SLCO1A2: variants seen among roughly 807,000 people sequenced by gnomAD.
SLCO1A2 encodes OATP-1.
SLCO1A2 carries 67 observed loss-of-function variants against 69.0 expected under a neutral mutation model. That is an observed-to-expected ratio of 0.97 (90% CI 0.80 to 1.19). The LOEUF (loss-of-function observed/expected upper bound fraction) is 1.19, where lower values mean the gene tolerates loss of function less well. Ranked by LOEUF, SLCO1A2 falls within the 50% of genes most tolerant of loss-of-function variation. The pLI, the probability that SLCO1A2 is intolerant of heterozygous loss-of-function variation, is 0.00. For missense variants in SLCO1A2, 787 were observed against 793.7 expected, an observed-to-expected ratio of 0.99 and a Z score of 0.10; for synonymous variants, 260 against 265.9, an observed-to-expected ratio of 0.98 and a Z score of 0.22.
chr12:21,299,983 T>G (rs1055215699), intron 8 of SLCO1A2, among the ~76,000 whole-genome samples: 3 of 146,914 alleles, frequency 2.0e-5, no homozygotes, highest in Non-Finnish European at 4.4e-5. Context: ...TATATGTGTA[T>G]ATATGTGTGT....
chr12:21,305,825 G>T (rs1163273520), intron 5 of SLCO1A2, among the ~76,000 whole-genome samples: 1 of 152,200 alleles, frequency 6.6e-6, no homozygotes, highest in Non-Finnish European at 1.5e-5. Context: ...CTCAATGATG[G>T]TCATGAAATT....
chr12:21,297,235 TTCTTTCTTTCTTTC>T (rs1261441608), intron 9 of SLCO1A2, among the ~76,000 whole-genome samples, 155 bp downstream of exon 9: 7 of 125,726 alleles, frequency 5.6e-5, no homozygotes, highest in African/African-American at 1.7e-4. Flanking sequence ...CCTTCCTTCT[TTCTTTCTTTCTTTC>T]TCTTTCTTTC....
chr12:21,372,186 A>T (rs553783885), intron 2 of SLCO1A2, among the ~76,000 whole-genome samples: 59 of 152,332 alleles, frequency 3.9e-4, no homozygotes, highest in African/African-American at 1.4e-3. Flanking sequence ...AAATAATTGT[A>T]AAATTTCTGT....
chr12:21,387,337 C>T (rs1239900609), intron 1 of SLCO1A2, among the ~76,000 whole-genome samples: 2 of 152,190 alleles, frequency 1.3e-5, no homozygotes, highest in Non-Finnish European at 2.9e-5. Flanking sequence ...CAGAGACCTT[C>T]ACAGCAGCCC....
chr12:21,322,846 G>T (rs1468122303), intron 2 of SLCO1A2, among the ~76,000 whole-genome samples: 1 of 152,086 alleles, frequency 6.6e-6, no homozygotes, highest in Non-Finnish European at 1.5e-5. Context: ...GATGGTTGGG[G>T]TCCTCAGAAT....
chr12:21,383,933 GA>G (rs1008921563), intron 1 of SLCO1A2, among the ~76,000 whole-genome samples: 24 of 150,208 alleles, frequency 1.6e-4, no homozygotes, highest in Non-Finnish European at 2.2e-4. Flanking sequence ...TAGGAATAAT[GA>G]AAAAACAAAT....
In SLCO1A2 at chr12:21,267,617, A is replaced by C. The variant is rs1368716398; in HGVS notation, c.*1931T>G. On this transcript the variant is annotated 3_prime_UTR_variant, in exon 15 of 15. Coordinates refer to ENST00000683939, the MANE Select transcript of SLCO1A2 (RefSeq NM_001386879.1). ...CCCTTCTTCTAATTTCCATAAGTCT[A>C]ACTTCCATATATATCCTATTTGCTT... 6.6e-6 allele frequency: 1 copy of C among 152,118 alleles called. No homozygotes were observed. The highest frequency in any genetic ancestry group is 1.5e-5 in the Non-Finnish European group (1 of 68,024). 9.4% of individuals were successfully genotyped at this position (152,118 alleles called of 1,614,324 possible).
intron 1 of SLCO1A2, among the ~76,000 whole-genome samples, chr12:21,408,991 T>G (rs529509573): frequency 6.6e-6 from 1 of 152,308 alleles, no homozygotes; most frequent in Non-Finnish European, 1.5e-5. Context: ...TAGACAGAGT[T>G]TGTGGATCAC....
intron 2 of SLCO1A2, among the ~76,000 whole-genome samples, chr12:21,345,621 C>G (rs1038677583): frequency 6.6e-6 from 1 of 151,946 alleles, no homozygotes; most frequent in Non-Finnish European, 1.5e-5. Context: ...GTTGAAACGG[C>G]TGAATGAAAG....
Position 21,265,512 on chromosome 12 carries a change from CT to C in SLCO1A2, c.*4035del, listed in dbSNP as rs1325845070. ...GCACAGGACTGTGTTAACAAATCATCTGCCCTTGATGCTCAAGTTTGTTCCT... is the reference window on the plus strand; with the variant it reads ...GCACAGGACTGTGTTAACAAATCATCGCCCTTGATGCTCAAGTTTGTTCCT... On this transcript the variant is annotated 3_prime_UTR_variant, in exon 15 of 15. Coordinates refer to ENST00000683939, the MANE Select transcript of SLCO1A2 (RefSeq NM_001386879.1). The C allele has an allele frequency of 1.3e-5, 2 of 152,252 alleles. No homozygotes were observed. The highest frequency in any genetic ancestry group is 2.9e-5 in the Non-Finnish European group (2 of 68,086). The allele number at this position is 152,252 out of a possible 1,614,324, so 9.4% of individuals were successfully genotyped here.
intron 1 of SLCO1A2, among the ~76,000 whole-genome samples, chr12:21,400,797 T>C (rs1941668354): frequency 6.8e-6 from 1 of 147,830 alleles, no homozygotes; most frequent in Admixed American, 7.0e-5. Flanking sequence ...AAACACCGTA[T>C]ATTCTCACTC....
At chr12:21,406,477 A>G (rs954253388) in intron 1 of SLCO1A2, among the ~76,000 whole-genome samples, 2 of 152,234 alleles carry the variant, frequency 1.3e-5, no homozygotes, top group Admixed American at 1.3e-4. Flanking sequence ...GGAAATTTCA[A>G]TCTTTCATTT....
Position 21,275,312 on chromosome 12 carries a change from A to C in SLCO1A2, c.1675+48T>G, listed in dbSNP as rs3764045. Reference sequence around the variant, plus strand: ...ACTTAAAGTGTAATAAAAAATAATAATAATAATATTGTTCTGATAGGATGT... The same window carrying C: ...ACTTAAAGTGTAATAAAAAATAATACTAATAATATTGTTCTGATAGGATGT... On this transcript the variant is annotated intron_variant, in intron 13 of 14. Coordinates refer to ENST00000683939, the MANE Select transcript of SLCO1A2 (RefSeq NM_001386879.1). The C allele has an allele frequency of 0.023, 32,798 of 1,419,954 alleles. 3,229 individuals carry two copies. The East Asian group carries it at 0.33, about 14-fold the overall frequency. 88.0% of individuals were successfully genotyped at this position (1,419,954 alleles called of 1,614,324 possible).
intron 3 of SLCO1A2, among the ~76,000 whole-genome samples, chr12:21,318,045 A>G (rs1385486034): frequency 6.6e-6 from 1 of 152,140 alleles, no homozygotes; most frequent in African/African-American, 2.4e-5. Context: ...CAAATAGCAG[A>G]AAAATATTTG....
intron 2 of SLCO1A2, among the ~76,000 whole-genome samples, chr12:21,333,062 C>G (rs1166561688): frequency 1.3e-5 from 2 of 152,098 alleles, no homozygotes; most frequent in Non-Finnish European, 2.9e-5. Flanking sequence ...TGGATATTCT[C>G]TCTTCCCACT....
intron 2 of SLCO1A2, chr12:21,319,383 CCA>C (rs1255172615): frequency 2.9e-6 from 4 of 1,367,886 alleles, no homozygotes; most frequent in Non-Finnish European, 3.9e-6. Flanking sequence ...TTGGCCGACT[CCA>C]CTCTTTCCTG....
chr12:21,343,186 A>AT (rs1953131912), intron 2 of SLCO1A2, among the ~76,000 whole-genome samples: 1 of 152,146 alleles, frequency 6.6e-6, no homozygotes, highest in Non-Finnish European at 1.5e-5. Context: ...TTGTCATGCC[A>AT]TTAGGTTCAT....
At chr12:21,336,431 T>C (rs571544664), upstream of SLCO1A2, among the ~76,000 whole-genome samples, 30 of 151,892 alleles carry the variant, frequency 2.0e-4, no homozygotes, top group Non-Finnish European at 4.1e-4. Context: ...GTCTGGAAGA[T>C]TTGCTTCAAA....
intron 12 of SLCO1A2, among the ~76,000 whole-genome samples, chr12:21,291,761 G>A (rs964388095): frequency 2.0e-5 from 3 of 152,078 alleles, no homozygotes; most frequent in Non-Finnish European, 4.4e-5. Context: ...TGACCTTAGC[G>A]AGATGGGGGC....
Sources: gnomAD v4.1 joint callset for allele counts (sites outside exome capture counted in the v4.1 genomes callset) on GRCh38, gnomAD v4.1.1 for gene constraint, MANE v1.5 for transcripts, NCBI Gene and HGNC (gene_info 2026-07-23, HGNC 2026-07-21) for gene names.